The following STT3B variants were observed in gnomAD, a reference collection of about 807,000 sequenced individuals.
STT3B encodes the protein STT3 oligosaccharyltransferase complex catalytic subunit B, also known as dolichyl-diphosphooligosaccharide--protein glycosyltransferase subunit STT3B.
A neutral mutation model predicts 96.8 loss-of-function variants in STT3B; 29 were observed. That is an observed-to-expected ratio of 0.30 (90% CI 0.22 to 0.41). STT3B has a LOEUF of 0.41. Among genes scored for constraint, STT3B ranks in the 10% least tolerant of loss-of-function variants. STT3B has a pLI of 1.00. For synonymous variants in STT3B, 367 were observed against 360.0 expected, an observed-to-expected ratio of 1.02 and a Z score of -0.22; for missense variants, 640 against 1,022.3, an observed-to-expected ratio of 0.63 and a Z score of 5.10.
chr3:31,620,663 T>A (rs1699407186), intron 9 of STT3B, among the ~76,000 whole-genome samples: 1 of 152,230 alleles, frequency 6.6e-6, no homozygotes. Context: ...AATAAGCAGA[T>A]ATCAAAGGCT....
intron 5 of STT3B, among the ~76,000 whole-genome samples, chr3:31,613,377 G>A (rs781492339): frequency 3.3e-5 from 5 of 152,064 alleles, no homozygotes; most frequent in Non-Finnish European, 5.9e-5. Context: ...AGTGGACTTA[G>A]CTATAATAAA....
At chr3:31,621,024 T>C (rs1459203538) in intron 9 of STT3B, among the ~76,000 whole-genome samples, 1 of 152,218 alleles carries the variant, frequency 6.6e-6, no homozygotes, top group Non-Finnish European at 1.5e-5. Flanking sequence ...AGTGAGTGCA[T>C]ATGTCTACCA....
chr3:31,593,744 A>G (rs1166688833), intron 3 of STT3B, among the ~76,000 whole-genome samples: 1 of 151,072 alleles, frequency 6.6e-6, no homozygotes, highest in Non-Finnish European at 1.5e-5. Flanking sequence ...GTATAGGAGA[A>G]TATGTATCTC....
At chr3:31,557,781 C>A (rs188648129) in intron 1 of STT3B, among the ~76,000 whole-genome samples, 1 of 152,118 alleles carries the variant, frequency 6.6e-6, no homozygotes, top group Non-Finnish European at 1.5e-5. Context: ...CACAGGCGCC[C>A]GCCACCATGC....
intron 1 of STT3B, among the ~76,000 whole-genome samples, chr3:31,555,508 G>A (rs1697683184): frequency 6.6e-6 from 1 of 151,992 alleles, no homozygotes; most frequent in Admixed American, 6.6e-5. Flanking sequence ...CTCCTTGATA[G>A]TTCTGTTACT....
chr3:31,618,006 A>T lies in STT3B; in HGVS notation c.1172+18A>T. 6.6e-7 allele frequency: 1 copy of T among 1,524,072 alleles called. No individual in the cohort carries two copies. Among genetic ancestry groups the T allele is most frequent in the Non-Finnish European group, 9.1e-7 (1 of 1,099,536 alleles). 94.4% of individuals were successfully genotyped at this position (1,524,072 alleles called of 1,614,324 possible). A position where few individuals can be genotyped will look rare whatever the true frequency, so the allele number is the denominator to read the frequency against. On this transcript the variant is annotated intron_variant, in intron 8 of 15. Coordinates refer to ENST00000295770, the MANE Select transcript of STT3B (RefSeq NM_178862.3). Reference sequence around the variant, plus strand: ...GATACTGGGTAAGTACAGTTACATTATTTGGCATCATATTTATTGAAATAC... The same window carrying T: ...GATACTGGGTAAGTACAGTTACATTTTTTGGCATCATATTTATTGAAATAC...
chr3:31,576,036 G>A (rs1698257058), intron 1 of STT3B, among the ~76,000 whole-genome samples: 1 of 152,016 alleles, frequency 6.6e-6, no homozygotes, highest in Non-Finnish European at 1.5e-5. Context: ...TAGGGTTGCA[G>A]GATTTTGGGC....
At position 31,617,986 on chromosome 3, in the gene STT3B, T is replaced by C. The variant is rs753179796; in HGVS notation, c.1170T>C (p.Thr390=). Residue 390 remains threonine, a splice_region_variant and synonymous_variant, in exon 8 of 16, where the codon ACT becomes ACC. Coordinates refer to ENST00000295770, the MANE Select transcript of STT3B (RefSeq NM_178862.3). ...GCAGGTTTTATTCATTGTGGGATAC[T>C]GGGTAAGTACAGTTACATTATTTGG... ...WSGRFYSLWD[T]GYAKIHIPII... is the part of the protein sequence containing the mutation. 1.3e-6 allele frequency: 2 copies of C among 1,592,576 alleles called. No homozygotes were observed. Among genetic ancestry groups the C allele is most frequent in the East Asian group, 2.2e-5 (1 of 44,696 alleles).
intron 2 of STT3B, among the ~76,000 whole-genome samples, chr3:31,577,243 A>G (rs577744602): frequency 8.8e-4 from 133 of 151,646 alleles, no homozygotes; most frequent in Middle Eastern, 3.4e-3. Context: ...GTTTATTTTC[A>G]TGTTCTTTTT....
chr3:31,548,576 G>T (rs1388374827), intron 1 of STT3B, among the ~76,000 whole-genome samples: 2 of 152,084 alleles, frequency 1.3e-5, no homozygotes, highest in South Asian at 4.1e-4. Flanking sequence ...AATATGTTAA[G>T]GATGGTAAAG....
intron 1 of STT3B, among the ~76,000 whole-genome samples, chr3:31,536,959 G>A (rs1277415510): frequency 6.6e-6 from 1 of 152,138 alleles, no homozygotes; most frequent in African/African-American, 2.4e-5. Flanking sequence ...TTCAATTGTG[G>A]TAGCCTTTCC....
chr3:31,621,196 A>G lies in STT3B; in HGVS notation c.1328-901A>G, dbSNP rs149497664. 5.9e-5 allele frequency among the ~76,000 whole-genome samples: 9 copies of G among 152,370 alleles called. No homozygotes were observed. The East Asian group carries it at 7.7e-4, about 13-fold the overall frequency. On this transcript the variant is annotated intron_variant, in intron 9 of 15. Transcript: ENST00000295770. ...CAGGATGGGGAAATAAGAGAAGCCA[A>G]TACAAAAGAGAACATTTTTATGTGG... is the stretch of plus-strand genomic sequence containing the variant.
chr3:31,573,099 G>A (rs13087690), intron 1 of STT3B, among the ~76,000 whole-genome samples: 86,501 of 151,864 alleles, frequency 0.57, 27,593 homozygotes, highest in Non-Finnish European at 0.72. Context: ...CAGTCTTAAC[G>A]ATCCTGTAAC....
At chr3:31,633,481 G>A (rs74586164) in intron 15 of STT3B, among the ~76,000 whole-genome samples, 1,564 of 152,186 alleles carry the variant, frequency 0.01, 34 homozygotes, top group African/African-American at 0.035. Flanking sequence ...CATCTTTTGA[G>A]CAGAGCAAAT....
At chr3:31,553,996 G>T (rs1222935611) in intron 1 of STT3B, among the ~76,000 whole-genome samples, 1 of 152,050 alleles carries the variant, frequency 6.6e-6, no homozygotes, top group Non-Finnish European at 1.5e-5. Context: ...AAAAATATTT[G>T]CATTATTACA....
chr3:31,535,351 G>A (rs1351712748), intron 1 of STT3B, among the ~76,000 whole-genome samples: 2 of 146,580 alleles, frequency 1.4e-5, no homozygotes, highest in Admixed American at 1.4e-4. Flanking sequence ...TTTTTTTTTA[G>A]TGTAGCTAAG....
chr3:31,584,300 C>A (rs1698487185), intron 3 of STT3B, among the ~76,000 whole-genome samples: 1 of 152,124 alleles, frequency 6.6e-6, no homozygotes, highest in East Asian at 1.9e-4. Context: ...GTCTTTATGC[C>A]ACTACCGCAC....
chr3:31,618,866 A>G (rs1304110973), intron 8 of STT3B, among the ~76,000 whole-genome samples: 2 of 152,082 alleles, frequency 1.3e-5, no homozygotes, highest in Non-Finnish European at 2.9e-5. Context: ...GTGCAGTTAT[A>G]TTATAAAGTA....
intron 15 of STT3B, among the ~76,000 whole-genome samples, chr3:31,634,888 C>T (rs1281310064): frequency 6.6e-6 from 1 of 152,108 alleles, no homozygotes; most frequent in East Asian, 1.9e-4. Flanking sequence ...TCTGAAGTTT[C>T]TTACTTTGTG....
Sources: allele counts gnomAD v4.1 joint callset (sites outside exome capture counted in the v4.1 genomes callset), GRCh38; gene constraint gnomAD v4.1.1; transcripts MANE v1.5; gene names NCBI Gene and HGNC (gene_info 2026-07-23, HGNC 2026-07-21).